The following ST3GAL2 variants were observed in gnomAD, a reference collection of about 807,000 sequenced individuals.
ST3GAL2 encodes the protein ST3 beta-galactoside alpha-2,3-sialyltransferase 2, also known as CMP-N-acetylneuraminate-beta-galactosamide-alpha-2,3-sialyltransferase 2.
A neutral mutation model predicts 37.5 loss-of-function variants in ST3GAL2; 16 were observed. The observed-to-expected ratio is 0.43, with a 90% CI of 0.29 to 0.65. The LOEUF (loss-of-function observed/expected upper bound fraction) is 0.65. ST3GAL2 is among the 30% of genes least tolerant of loss of function. ST3GAL2 has a pLI of 0.17. For missense variants in ST3GAL2, 383 were observed against 487.8 expected, an observed-to-expected ratio of 0.79 and a Z score of 2.02; for synonymous variants, 238 against 202.9, an observed-to-expected ratio of 1.17 and a Z score of -1.47.
intron 3 of ST3GAL2, among the ~76,000 whole-genome samples, chr16:70,391,253 G>A (rs751992260): frequency 6.6e-6 from 1 of 152,080 alleles, no homozygotes; most frequent in Non-Finnish European, 1.5e-5. Context: ...TGGGGTGGGA[G>A]GTCTCAAAAC....
rs56300235 is a variant in ST3GAL2 at position 70,413,748 on chromosome 16, TAATAAATAAATAAATA to T, written c.-1003-14231_-1003-14216del. ...CGAAACTCCATCTCAAAAAAGAAAA[TAATAAATAAATAAATA>T]AATAAATAAATAAATAAATAAATAA... On this transcript the variant is annotated intron_variant, in intron 1 of 6. Transcript: ENST00000342907. Among the ~76,000 whole-genome samples the T allele has an allele frequency of 1.4e-3, 201 of 145,472 alleles. 1 individual carries two copies. The highest frequency in any genetic ancestry group is 4.8e-3 in the African/African-American group (189 of 39,156).
At chr16:70,395,349 C>G (rs942441629) in intron 2 of ST3GAL2, among the ~76,000 whole-genome samples, 174 bp from the exon 3 acceptor site, 4 of 152,238 alleles carry the variant, frequency 2.6e-5, no homozygotes, top group Non-Finnish European at 5.9e-5. Flanking sequence ...GGGTCTCTCC[C>G]TCTCTCAACA....
At position 70,381,413 on chromosome 16, in the gene ST3GAL2, G is replaced by A. The variant is rs2047403135; in HGVS notation, c.*276C>T. On this transcript the variant is annotated 3_prime_UTR_variant, in exon 7 of 7. Coordinates refer to ENST00000342907, the MANE Select transcript of ST3GAL2 (RefSeq NM_006927.4). ...ATGAGGGAGTGGGGATTGAGCGGCC[G>A]CTGGCCCGCCCCCGAAGGCCATTGA... 6.9e-6 allele frequency: 3 copies of A among 434,256 alleles called. No individual in the cohort carries two copies. Among genetic ancestry groups the A allele is most frequent in the South Asian group, 3.1e-5 (1 of 32,340 alleles). 26.9% of individuals were successfully genotyped at this position (434,256 alleles called of 1,614,324 possible). A position where few individuals can be genotyped will look rare whatever the true frequency, so the allele number is the denominator to read the frequency against.
intron 1 of ST3GAL2, among the ~76,000 whole-genome samples, chr16:70,419,524 C>A (rs566761219): frequency 1.3e-5 from 2 of 152,188 alleles, no homozygotes; most frequent in Non-Finnish European, 2.9e-5. Context: ...CAGAGGGCAG[C>A]GGCACAGTGA....
chr16:70,431,699 C>G (rs1367894483), intron 1 of ST3GAL2, among the ~76,000 whole-genome samples: 1 of 151,338 alleles, frequency 6.6e-6, no homozygotes, highest in Non-Finnish European at 1.5e-5. Context: ...TGCAGTGGCT[C>G]ACCTCTGTAA....
Position 70,377,515 on chromosome 16 carries a change from T to A in ST3GAL2, c.*4174A>T, listed in dbSNP as rs1462545876. On this transcript the variant is annotated 3_prime_UTR_variant, in exon 7 of 7. Transcript: ENST00000342907. ...AAAAAAAAGAGAAAAGCCTCCATCG[T>A]GACAAAGGGGTTAAATAAGCAACCA... The A allele has an allele frequency of 1.4e-5, 2 of 144,720 alleles. No individual in the cohort carries two copies. Among genetic ancestry groups the A allele is most frequent in the Non-Finnish European group, 3.0e-5 (2 of 66,604 alleles). The allele number at this position is 144,720 out of a possible 1,614,324, so 9.0% of individuals were successfully genotyped here. A position where few individuals can be genotyped will look rare whatever the true frequency, so the allele number is the denominator to read the frequency against.
rs369146331 is a variant in ST3GAL2 at position 70,397,321 on chromosome 16, G to A, written c.339+871C>T. Among the ~76,000 whole-genome samples the A allele has an allele frequency of 5.3e-5, 8 of 151,776 alleles. No individual in the cohort carries two copies. The South Asian group carries it at 1.0e-3, about 20-fold the overall frequency. The stretch of plus-strand genomic sequence containing the variant: ...CTCTCAAAGTGCTGAGATTACAGGC[G>A]TGAGCCACCATGACCGGCCTTCCCT... On this transcript the variant is annotated intron_variant, in intron 2 of 6. Transcript: ENST00000342907.
chr16:70,418,998 C>G (rs1053209225), intron 1 of ST3GAL2, among the ~76,000 whole-genome samples: 1 of 152,296 alleles, frequency 6.6e-6, no homozygotes, highest in Middle Eastern at 3.4e-3. Flanking sequence ...GGGCCCAACC[C>G]GGGCGAGTCG....
Position 70,395,041 on chromosome 16 carries a change from C to T in ST3GAL2, c.474G>A (p.Ser158=), listed in dbSNP as rs1332076771. 9.3e-6 allele frequency: 15 copies of T among 1,613,864 alleles called. No homozygotes were observed. The highest frequency in any genetic ancestry group is 2.7e-5 in the African/African-American group (2 of 74,950). Residue 158 remains serine, a synonymous_variant, in exon 3 of 7, where the codon TCG becomes TCA. Coordinates refer to ENST00000342907, the MANE Select transcript of ST3GAL2 (RefSeq NM_006927.4). ...QCRRCAVVGN[S]GNLRGSGYGQ... is the part of the protein sequence containing the mutation. ...CATAGCCAGAGCCCCGCAGGTTGCCCGAGTTCCCCACCACGGCACAGCGCC... is the reference window on the plus strand; with the variant it reads ...CATAGCCAGAGCCCCGCAGGTTGCCTGAGTTCCCCACCACGGCACAGCGCC...
intron 1 of ST3GAL2, among the ~76,000 whole-genome samples, chr16:70,410,491 G>C (rs774897567): frequency 6.6e-6 from 1 of 151,572 alleles, no homozygotes; most frequent in Non-Finnish European, 1.5e-5. Context: ...CTGACCTCGT[G>C]ATCTGCCTGC....
chr16:70,389,944 G>A lies in ST3GAL2; in HGVS notation c.534-1398C>T, dbSNP rs2047471644. ...TGGGACTACAGGCGCCCGCCATCAC[G>A]CCCGGCTAATTGTTTGCATTTTTAG... is the stretch of plus-strand genomic sequence containing the variant. On this transcript the variant is annotated intron_variant, in intron 3 of 6. Coordinates refer to ENST00000342907, the MANE Select transcript of ST3GAL2 (RefSeq NM_006927.4). 2.0e-5 allele frequency among the ~76,000 whole-genome samples: 3 copies of A among 151,838 alleles called. No individual in the cohort carries two copies. The South Asian group carries it at 6.2e-4, about 31-fold the overall frequency.
intron 1 of ST3GAL2, among the ~76,000 whole-genome samples, chr16:70,431,760 G>A (rs754936465): frequency 4.6e-5 from 7 of 151,472 alleles, no homozygotes; most frequent in Non-Finnish European, 1.0e-4. Context: ...TCATGAGATC[G>A]AGACCATCCT....
At chr16:70,435,075 G>A (rs574764130) in intron 1 of ST3GAL2, among the ~76,000 whole-genome samples, 7 of 152,284 alleles carry the variant, frequency 4.6e-5, no homozygotes, top group East Asian at 3.9e-4. Context: ...ACGAGGGCCC[G>A]GTTCAGCAAT....
chr16:70,420,370 GGGAGACCTA>G, intron 1 of ST3GAL2, among the ~76,000 whole-genome samples: 1 of 152,306 alleles, frequency 6.6e-6, no homozygotes, highest in Admixed American at 6.5e-5. Context: ...CCAATCACCT[GGGAGACCTA>G]GGGAAACAGG....
rs545708426 is a variant in ST3GAL2 at position 70,428,838 on chromosome 16, T to A, written c.-1004+10111A>T. Among the ~76,000 whole-genome samples, 11 of 152,252 alleles carry A rather than the reference T, an allele frequency of 7.2e-5. No individual in the cohort carries two copies. In the South Asian group the frequency reaches 2.3e-3, roughly 32 times the overall value. On this transcript the variant is annotated intron_variant, in intron 1 of 6. Transcript: ENST00000342907. ...TGCGGCTGACCCAGCGCCTCCCAGA[T>A]CAGTCTGATTCCACCTCCCACCCTG...
Position 70,377,531 on chromosome 16 carries a change from T to C in ST3GAL2, c.*4158A>G, listed in dbSNP as rs1365249586. On this transcript the variant is annotated 3_prime_UTR_variant, in exon 7 of 7. Coordinates refer to ENST00000342907, the MANE Select transcript of ST3GAL2 (RefSeq NM_006927.4). ...CCTCCATCGTGACAAAGGGGTTAAA[T>C]AAGCAACCAGAGGCCGGGCACGGTG... The C allele has an allele frequency of 7.5e-6, 1 of 133,832 alleles. No homozygotes were observed. Among genetic ancestry groups the C allele is most frequent in the African/African-American group, 2.8e-5 (1 of 35,266 alleles). 8.3% of individuals were successfully genotyped at this position (133,832 alleles called of 1,614,324 possible). A position where few individuals can be genotyped will look rare whatever the true frequency, so the allele number is the denominator to read the frequency against.
intron 1 of ST3GAL2, among the ~76,000 whole-genome samples, chr16:70,402,998 A>G (rs571045122): frequency 7.9e-5 from 12 of 152,374 alleles, no homozygotes; most frequent in Non-Finnish European, 1.6e-4. Context: ...AATACGATAT[A>G]TACTACTTTG....
chr16:70,419,092 G>A (rs2047696070), intron 1 of ST3GAL2, among the ~76,000 whole-genome samples: 1 of 152,180 alleles, frequency 6.6e-6, no homozygotes. Context: ...CATGGCGAGG[G>A]ACTCTGGTCT....
intron 1 of ST3GAL2, among the ~76,000 whole-genome samples, chr16:70,422,210 A>G (rs2047719742): frequency 6.6e-6 from 1 of 152,214 alleles, no homozygotes; most frequent in Admixed American, 6.5e-5. Flanking sequence ...TAAAATGAGC[A>G]CGATAATGCC....
Sources: allele counts gnomAD v4.1 joint callset (sites outside exome capture counted in the v4.1 genomes callset), GRCh38; gene constraint gnomAD v4.1.1; transcripts MANE v1.5; gene names NCBI Gene and HGNC (gene_info 2026-07-23, HGNC 2026-07-21).